The following KCNIP1 variants were observed in gnomAD, a reference collection of about 807,000 sequenced individuals.
KCNIP1 encodes potassium voltage-gated channel interacting protein 1.
KCNIP1 carries 18 observed loss-of-function variants against 33.0 expected under a neutral mutation model. The observed-to-expected ratio is 0.55, with a 90% CI of 0.38 to 0.81. KCNIP1 has a LOEUF of 0.81. Ranked by LOEUF, KCNIP1 falls within the 30% of genes least tolerant of loss-of-function variation. KCNIP1 has a pLI of 0.00. For synonymous variants in KCNIP1, 93 were observed against 98.3 expected (o/e 0.95, Z 0.32); for missense variants, 238 against 271.6 (o/e 0.88, Z 0.87).
At chr5:170,456,744 G>A (rs1475526619) in intron 1 of KCNIP1, among the ~76,000 whole-genome samples, 1 of 61,976 alleles carries the variant, frequency 1.6e-5, no homozygotes, top group African/African-American at 1.3e-4. Flanking sequence ...TTTGAGACAA[G>A]GTCTAGCTCT....
chr5:170,568,698 C>G (rs979657037), intron 1 of KCNIP1, among the ~76,000 whole-genome samples: 2 of 139,294 alleles, frequency 1.4e-5, no homozygotes, highest in Admixed American at 7.6e-5. Flanking sequence ...TGGCGGGCAC[C>G]TGTAATCCCA....
chr5:170,443,381 G>A (rs907126794), intron 1 of KCNIP1, among the ~76,000 whole-genome samples: 2 of 152,196 alleles, frequency 1.3e-5, no homozygotes, highest in Non-Finnish European at 1.5e-5. Flanking sequence ...GGAAAAGGAG[G>A]TGCAGAGGCC....
At chr5:170,705,324 C>T (rs539550946) in intron 1 of KCNIP1, among the ~76,000 whole-genome samples, 5 of 152,172 alleles carry the variant, frequency 3.3e-5, no homozygotes, top group Admixed American at 1.3e-4. Flanking sequence ...TCTGGGCAGG[C>T]GGATATACAT....
chr5:170,706,471 C>T (rs771468326), intron 1 of KCNIP1, among the ~76,000 whole-genome samples: 1 of 152,190 alleles, frequency 6.6e-6, no homozygotes, highest in Non-Finnish European at 1.5e-5. Context: ...GGCTTTTCCA[C>T]CCTCCCCAAG....
intron 1 of KCNIP1, among the ~76,000 whole-genome samples, chr5:170,704,576 A>C (rs941566572): frequency 2.0e-5 from 3 of 152,182 alleles, no homozygotes; most frequent in African/African-American, 7.2e-5. Context: ...CAGCGCCAGC[A>C]GGAAAATCTA....
rs1763829966 is a variant in KCNIP1, at chr5:170,721,699, C to T, written c.257-134C>T. On this transcript the variant is annotated intron_variant, in intron 3 of 7. Coordinates refer to ENST00000328939, the MANE Select transcript of KCNIP1 (RefSeq NM_014592.4). ...CAAAGAGTTGAGTCAATGGGCCCCACTCCATAATTTTCTCCTTTCCATCAC... is the reference window on the plus strand; with the variant it reads ...CAAAGAGTTGAGTCAATGGGCCCCATTCCATAATTTTCTCCTTTCCATCAC... The T allele has an allele frequency of 5.0e-6, 8 of 1,598,472 alleles. No individual in the cohort carries two copies. The Admixed American group carries it at 1.2e-4, about 24-fold the overall frequency.
At chr5:170,396,464 G>A (rs1017600002) in intron 1 of KCNIP1, among the ~76,000 whole-genome samples, 6 of 152,232 alleles carry the variant, frequency 3.9e-5, no homozygotes, top group African/African-American at 1.4e-4. Flanking sequence ...ATGTGTCCAT[G>A]GTGGTTGAAT....
chr5:170,370,244 T>C (rs1345753685), intron 1 of KCNIP1, among the ~76,000 whole-genome samples: 2 of 152,186 alleles, frequency 1.3e-5, no homozygotes, highest in Non-Finnish European at 2.9e-5. Flanking sequence ...GAGACACACT[T>C]ACTTGAAGAG....
At chr5:170,462,527 G>C (rs1020526317) in intron 1 of KCNIP1, among the ~76,000 whole-genome samples, 1 of 152,110 alleles carries the variant, frequency 6.6e-6, no homozygotes, top group Non-Finnish European at 1.5e-5. Context: ...CTACACTGCT[G>C]GTGAAAATGT....
At chr5:170,733,391 G>A (rs1764275199) in intron 6 of KCNIP1, among the ~76,000 whole-genome samples, 1 of 152,188 alleles carries the variant, frequency 6.6e-6, no homozygotes, top group Admixed American at 6.5e-5. Flanking sequence ...TCTAGCGGTG[G>A]AGTATCAGAG....
chr5:170,558,534 T>C (rs1756919694), intron 1 of KCNIP1, among the ~76,000 whole-genome samples: 1 of 152,182 alleles, frequency 6.6e-6, no homozygotes, highest in Non-Finnish European at 1.5e-5. Flanking sequence ...GGACACTGAC[T>C]CCATCTAAGA....
intron 1 of KCNIP1, among the ~76,000 whole-genome samples, chr5:170,642,561 CA>C (rs1760611740): frequency 6.6e-6 from 1 of 152,198 alleles, no homozygotes; most frequent in African/African-American, 2.4e-5. Context: ...ATCGCCAAAG[CA>C]AAGCCTCAGA....
intron 1 of KCNIP1, among the ~76,000 whole-genome samples, chr5:170,367,387 A>AAGAT (rs1491346694): frequency 7.8e-6 from 1 of 128,666 alleles, no homozygotes; most frequent in African/African-American, 3.2e-5. Flanking sequence ...GAAAGAAAGA[A>AAGAT]AGAAAGAAAG....
chr5:170,649,155 T>G (rs1760908247), intron 1 of KCNIP1, among the ~76,000 whole-genome samples: 1 of 152,144 alleles, frequency 6.6e-6, no homozygotes, highest in South Asian at 2.1e-4. Context: ...CTATTAAGTA[T>G]TGACCCTAAA....
At chr5:170,367,349 AAAAGAAAGAAAGAAAG>A (rs57303478) in intron 1 of KCNIP1, among the ~76,000 whole-genome samples, 2,586 of 76,868 alleles carry the variant, frequency 0.034, 59 homozygotes, top group African/African-American at 0.046. Flanking sequence ...GAAGGAAAGA[AAAAGAAAGAAAGAAAG>A]AAAGAAAGAA....
At chr5:170,557,850 T>C (rs1226763507) in intron 1 of KCNIP1, among the ~76,000 whole-genome samples, 1 of 152,204 alleles carries the variant, frequency 6.6e-6, no homozygotes. Flanking sequence ...GTGGGCTTAC[T>C]TTGAGTTTTC....
At chr5:170,702,285 C>A (rs531934614) in intron 1 of KCNIP1, among the ~76,000 whole-genome samples, 1 of 152,306 alleles carries the variant, frequency 6.6e-6, no homozygotes, top group East Asian at 1.9e-4. Flanking sequence ...AAGGATTCAT[C>A]TGAGTTTAAT....
At chr5:170,595,813 T>C (rs1758422611) in intron 1 of KCNIP1, among the ~76,000 whole-genome samples, 2 of 152,220 alleles carry the variant, frequency 1.3e-5, no homozygotes, top group Admixed American at 1.3e-4. Context: ...AGAGCCAAGC[T>C]CTTTACAGTG....
intron 1 of KCNIP1, among the ~76,000 whole-genome samples, chr5:170,579,058 C>T (rs1757701331): frequency 6.6e-6 from 1 of 152,186 alleles, no homozygotes; most frequent in African/African-American, 2.4e-5. Flanking sequence ...AACAAACCAT[C>T]CAAACCTCAA....
Sources: allele counts gnomAD v4.1 joint callset (sites outside exome capture counted in the v4.1 genomes callset), GRCh38; gene constraint gnomAD v4.1.1; transcripts MANE v1.5; gene names NCBI Gene and HGNC (gene_info 2026-07-23, HGNC 2026-07-21).